The following RIN2 variants were observed in gnomAD, a reference collection of about 807,000 sequenced individuals.
RIN2 encodes the protein Ras and Rab interactor 2.
RIN2 carries 36 observed loss-of-function variants against 78.0 expected under a neutral mutation model. The observed-to-expected ratio is 0.46, with a 90% confidence interval of 0.35 to 0.61. The LOEUF is 0.61. Ranked by LOEUF, RIN2 falls within the 20% of genes least tolerant of loss-of-function variation. The pLI is 0.00. For missense variants in RIN2, 1,087 were observed against 1,159.7 expected, an observed-to-expected ratio of 0.94 and a Z score of 0.91; for synonymous variants, 466 against 466.8, an observed-to-expected ratio of 1.00 and a Z score of 0.02.
intron 2 of RIN2, among the ~76,000 whole-genome samples, chr20:19,854,676 CTGTT>C (rs1247933635): frequency 2.0e-5 from 3 of 152,124 alleles, no homozygotes; most frequent in Non-Finnish European, 2.9e-5. Flanking sequence ...ATTTGGCTCT[CTGTT>C]TGTCTGTTAT....
intron 3 of RIN2, among the ~76,000 whole-genome samples, chr20:19,914,178 C>A (rs1705993079): frequency 6.6e-6 from 1 of 152,178 alleles, no homozygotes; most frequent in South Asian, 2.1e-4. Flanking sequence ...AGGGTTACTA[C>A]TGTCTTTAAC....
intron 2 of RIN2, among the ~76,000 whole-genome samples, chr20:19,845,522 A>T (rs1383883237): frequency 6.6e-6 from 1 of 151,316 alleles, no homozygotes; most frequent in African/African-American, 2.4e-5. Flanking sequence ...TGTTGGCCAC[A>T]TAAATGTCTT....
intron 3 of RIN2, among the ~76,000 whole-genome samples, chr20:19,911,471 T>C (rs1711723277): frequency 6.6e-6 from 1 of 152,232 alleles, no homozygotes; most frequent in Non-Finnish European, 1.5e-5. Flanking sequence ...CACACCACCT[T>C]ATCTCTAAAT....
intron 5 of RIN2, among the ~76,000 whole-genome samples, chr20:19,960,116 G>T (rs2041689498): frequency 6.6e-6 from 1 of 152,238 alleles, no homozygotes; most frequent in African/African-American, 2.4e-5. Context: ...TTCAGCTCCA[G>T]TAGATTGTTG....
chr20:19,902,187 T>G (rs2039018609), intron 3 of RIN2, among the ~76,000 whole-genome samples: 1 of 152,208 alleles, frequency 6.6e-6, no homozygotes, highest in Non-Finnish European at 1.5e-5. Flanking sequence ...AAGTATGTGG[T>G]GGCTCCGTGG....
rs2036707136 is a variant in RIN2, at chr20:19,844,662, T to TC, written c.-36-44903dup. Among the ~76,000 whole-genome samples the TC allele has an allele frequency of 2.0e-4, 28 of 138,562 alleles. 1 individual carries two copies. Among genetic ancestry groups the TC allele is most frequent in the African/African-American group, 7.7e-4 (27 of 34,950 alleles). 90.9% of individuals were successfully genotyped at this position (138,562 alleles called of 152,430 possible). Reference sequence around the variant, plus strand: ...TTCTTCTTCTTCTTCTTCTTCTTCTTCTTCTTCCTTCTTCTTCTTCTTCCT... The same window carrying TC: ...TTCTTCTTCTTCTTCTTCTTCTTCTTCCTTCTTCCTTCTTCTTCTTCTTCCT... On this transcript the variant is annotated intron_variant, in intron 2 of 12. Transcript: ENST00000255006.
chr20:19,875,780 G>A (rs1422376702), intron 2 of RIN2, among the ~76,000 whole-genome samples: 3 of 151,974 alleles, frequency 2.0e-5, no homozygotes, highest in Non-Finnish European at 4.4e-5. Context: ...CCTTTGGTGT[G>A]GGCCTGCAGG....
chr20:19,818,540 T>C (rs1779567994), intron 2 of RIN2, among the ~76,000 whole-genome samples: 1 of 152,194 alleles, frequency 6.6e-6, no homozygotes, highest in South Asian at 2.1e-4. Flanking sequence ...GAGACCAGTC[T>C]GACCAACATG....
chr20:19,932,179 G>T (rs1338122625), intron 3 of RIN2, among the ~76,000 whole-genome samples: 1 of 152,152 alleles, frequency 6.6e-6, no homozygotes, highest in African/African-American at 2.4e-5. Flanking sequence ...CCGTTATCTT[G>T]GTAGCGGGTT....
chr20:19,905,640 C>T (rs1012954341), intron 3 of RIN2, among the ~76,000 whole-genome samples: 2 of 152,124 alleles, frequency 1.3e-5, no homozygotes, highest in African/African-American at 4.8e-5. Flanking sequence ...CCAGGTGCTC[C>T]TGGAGGCTGA....
intron 1 of RIN2, among the ~76,000 whole-genome samples, chr20:19,786,585 A>G (rs2034685539): frequency 6.6e-6 from 1 of 152,198 alleles, no homozygotes; most frequent in Admixed American, 6.5e-5. Flanking sequence ...CCTGAATTCC[A>G]GACACTCAGA....
intron 8 of RIN2, 21 bp from the exon 9 acceptor site, chr20:19,974,633 T>A (rs372224655): frequency 1.2e-6 from 2 of 1,603,986 alleles, no homozygotes; most frequent in East Asian, 4.5e-5. Context: ...CATTCTTGTG[T>A]TCACTGATAA....
chr20:19,888,878 C>T (rs1367084430), intron 2 of RIN2, among the ~76,000 whole-genome samples: 1 of 152,214 alleles, frequency 6.6e-6, no homozygotes, highest in Non-Finnish European at 1.5e-5. Flanking sequence ...AGGGGAAATT[C>T]CAAGCCCAAA....
intron 4 of RIN2, among the ~76,000 whole-genome samples, chr20:19,953,088 A>T (rs1233615155): frequency 6.6e-6 from 1 of 152,162 alleles, no homozygotes; most frequent in Non-Finnish European, 1.5e-5. Flanking sequence ...ACAAATACTG[A>T]TCCAAAGTAG....
chr20:19,972,199 G>A (rs894688902), intron 8 of RIN2, among the ~76,000 whole-genome samples: 2 of 152,154 alleles, frequency 1.3e-5, no homozygotes, highest in Non-Finnish European at 2.9e-5. Flanking sequence ...TTGCAACTAA[G>A]TTCTGCATAC....
intron 2 of RIN2, among the ~76,000 whole-genome samples, chr20:19,837,169 AACACACAC>A (rs142399537): frequency 0.016 from 2,305 of 140,018 alleles, 45 homozygotes; most frequent in African/African-American, 0.044. Flanking sequence ...CGCCCCCCCC[AACACACAC>A]ACACACACAC....
intron 9 of RIN2, among the ~76,000 whole-genome samples, chr20:19,989,540 T>G (rs1481367617): frequency 6.6e-6 from 1 of 152,152 alleles, no homozygotes; most frequent in Non-Finnish European, 1.5e-5. Context: ...CCTCCCAAAG[T>G]GCTGGGATTA....
In RIN2 at chr20:19,974,692, C is replaced by G. The variant is rs971990637; in HGVS notation, c.667C>G (p.Leu223Val). 4 of 1,613,812 alleles carry G rather than the reference C, an allele frequency of 2.5e-6. No individual in the cohort carries two copies. Among genetic ancestry groups the G allele is most frequent in the Non-Finnish European group, 2.5e-6 (3 of 1,179,720 alleles). ...CCCAGCTGACAGCAAACCCCCGAAC[C>G]TTCCACCTCCCCATAGGCCTCTTTC... ...SSPADSKPPN[L>V]PPPHRPLSSD... is the part of the protein sequence containing the mutation. Residue 223 changes from leucine to valine, a missense_variant, in exon 9 of 13, where the codon CTT (leucine) becomes GTT (valine). Physicochemically the swap from Leu to Val is conservative, Grantham distance 32. Coordinates refer to ENST00000255006, the MANE Select transcript of RIN2 (RefSeq NM_018993.4).
At chr20:19,965,587 A>G (rs958710802) in intron 7 of RIN2, among the ~76,000 whole-genome samples, 15 of 152,180 alleles carry the variant, frequency 9.9e-5, no homozygotes, top group African/African-American at 3.4e-4. Flanking sequence ...GTTCTATACA[A>G]TGTTAAGTCC....
Sources: gnomAD v4.1 joint callset for allele counts (sites outside exome capture counted in the v4.1 genomes callset) on GRCh38, gnomAD v4.1.1 for gene constraint, MANE v1.5 for transcripts, NCBI Gene and HGNC (gene_info 2026-07-23, HGNC 2026-07-21) for gene names.